The following PTPRM variants were observed in gnomAD, a reference collection of about 807,000 sequenced individuals.
PTPRM encodes receptor-type tyrosine-protein phosphatase mu.
In PTPRM, 47 loss-of-function variants were observed where a neutral mutation model predicts 186.7. That is an observed-to-expected ratio of 0.25 (90% confidence interval 0.20 to 0.32). The LOEUF (loss-of-function observed/expected upper bound fraction) is 0.32, where lower values mean the gene tolerates loss of function less well. Ranked by LOEUF, PTPRM falls within the 10% of genes least tolerant of loss-of-function variation. The pLI, the probability that PTPRM is intolerant of heterozygous loss-of-function variation, is 1.00. For synonymous variants in PTPRM, 668 were observed against 674.9 expected (o/e 0.99, Z 0.16); for missense variants, 1,494 against 1,865.0 (o/e 0.80, Z 3.66).
chr18:8,200,448 A>G (rs947407567), intron 14 of PTPRM, among the ~76,000 whole-genome samples: 5 of 152,184 alleles, frequency 3.3e-5, no homozygotes, highest in Non-Finnish European at 7.3e-5. Flanking sequence ...ATTTGACTTG[A>G]TTTCACCCTT....
Position 8,363,769 on chromosome 18 carries a change from T to C in PTPRM, c.3055-7121T>C, listed in dbSNP as rs1249048114. Among the ~76,000 whole-genome samples the C allele has an allele frequency of 2.0e-5, 3 of 152,086 alleles. No individual in the cohort carries two copies. The East Asian group carries it at 5.8e-4, about 29-fold the overall frequency. ...ATGCTGCTTTCTGATTAAGTTTTCATCAAGATGAGGTAAGAGAGAAAAGTA... is the reference window on the plus strand; with the variant it reads ...ATGCTGCTTTCTGATTAAGTTTTCACCAAGATGAGGTAAGAGAGAAAAGTA... On this transcript the variant is annotated intron_variant, in intron 23 of 32. Coordinates refer to ENST00000580170, the MANE Select transcript of PTPRM (RefSeq NM_001105244.2).
intron 7 of PTPRM, among the ~76,000 whole-genome samples, chr18:7,992,613 A>G (rs1599916631): frequency 6.6e-6 from 1 of 152,288 alleles, no homozygotes; most frequent in Non-Finnish European, 1.5e-5. Context: ...GTTAACACAC[A>G]GAAAACTGGT....
chr18:7,837,381 TG>T lies in PTPRM; in HGVS notation c.197-50724del, dbSNP rs1470799685. Among the ~76,000 whole-genome samples the T allele has an allele frequency of 2.0e-5, 3 of 152,200 alleles. No homozygotes were observed. In the South Asian group the frequency reaches 6.2e-4, roughly 32 times the overall value. Reference sequence around the variant, plus strand: ...TACTTTTTAATTATTTCAGTCTTTTTGTTAAATTTGTCTGATAGAATTCTGA... The same window carrying T: ...TACTTTTTAATTATTTCAGTCTTTTTTTAAATTTGTCTGATAGAATTCTGA... On this transcript the variant is annotated intron_variant, in intron 2 of 32. Coordinates refer to ENST00000580170, the MANE Select transcript of PTPRM (RefSeq NM_001105244.2).
At chr18:7,776,212 A>G (rs757189863) in intron 2 of PTPRM, among the ~76,000 whole-genome samples, 1 of 152,240 alleles carries the variant, frequency 6.6e-6, no homozygotes, top group Non-Finnish European at 1.5e-5. Flanking sequence ...TTTGTAGCAT[A>G]AGATCTGTGA....
chr18:7,871,246 A>AC (rs762121235), intron 2 of PTPRM, among the ~76,000 whole-genome samples: 8 of 152,168 alleles, frequency 5.3e-5, no homozygotes, highest in African/African-American at 1.2e-4. Context: ...TGAAGTTTGG[A>AC]CAGTGAATAA....
At chr18:8,242,123 C>T (rs912443919) in intron 14 of PTPRM, among the ~76,000 whole-genome samples, 4 of 152,044 alleles carry the variant, frequency 2.6e-5, no homozygotes, top group Non-Finnish European at 5.9e-5. Context: ...GGAATTCAAG[C>T]AAGAAAAGGC....
intron 14 of PTPRM, among the ~76,000 whole-genome samples, chr18:8,201,292 G>T (rs2093852250): frequency 1.3e-5 from 2 of 152,154 alleles, no homozygotes; most frequent in African/African-American, 2.4e-5. Context: ...CCCCAGCCTG[G>T]GCAACAGAGC....
chr18:8,190,516 G>A (rs2093696697), intron 14 of PTPRM, among the ~76,000 whole-genome samples: 1 of 152,132 alleles, frequency 6.6e-6, no homozygotes, highest in Non-Finnish European at 1.5e-5. Context: ...TTGAGTAGTT[G>A]TTCTAGTCTT....
intron 1 of PTPRM, among the ~76,000 whole-genome samples, chr18:7,635,818 C>T (rs1009916428): frequency 6.6e-6 from 1 of 152,152 alleles, no homozygotes; most frequent in African/African-American, 2.4e-5. Context: ...ATTTTCCTTG[C>T]GGAGGCAGTT....
intron 7 of PTPRM, among the ~76,000 whole-genome samples, chr18:8,021,490 A>C (rs2085232372): frequency 1.0e-5 from 1 of 97,494 alleles, no homozygotes; most frequent in Non-Finnish European, 2.2e-5. Context: ...CGCGTGCATT[A>C]GGTATTTGTC....
intron 2 of PTPRM, among the ~76,000 whole-genome samples, chr18:7,799,153 A>T (rs1439009702): frequency 6.6e-6 from 1 of 152,124 alleles, no homozygotes; most frequent in Non-Finnish European, 1.5e-5. Flanking sequence ...CAAGTTACTG[A>T]TGGATTTTGT....
chr18:8,237,333 C>T (rs2094356361), intron 14 of PTPRM, among the ~76,000 whole-genome samples: 1 of 150,244 alleles, frequency 6.7e-6, no homozygotes, highest in African/African-American at 2.5e-5. Context: ...CTTCCTTTCT[C>T]TTTGTAGCTC....
chr18:8,214,745 C>T (rs1194373028), intron 14 of PTPRM, among the ~76,000 whole-genome samples: 3 of 152,192 alleles, frequency 2.0e-5, no homozygotes, highest in Admixed American at 2.0e-4. Context: ...TCCACTGCAA[C>T]TTCAGCCTCC....
intron 31 of PTPRM, among the ~76,000 whole-genome samples, chr18:8,390,416 C>T (rs1420199954): frequency 1.3e-5 from 2 of 152,202 alleles, no homozygotes; most frequent in Non-Finnish European, 2.9e-5. Flanking sequence ...ATATTGACAA[C>T]GTGGACTTTC....
intron 23 of PTPRM, among the ~76,000 whole-genome samples, chr18:8,352,941 A>C (rs1415207840): frequency 6.6e-6 from 1 of 152,134 alleles, no homozygotes; most frequent in Non-Finnish European, 1.5e-5. Flanking sequence ...AAGTGCTGGG[A>C]TTACAGGTGT....
intron 1 of PTPRM, among the ~76,000 whole-genome samples, chr18:7,647,530 A>G (rs1057211642): frequency 3.3e-5 from 5 of 152,218 alleles, no homozygotes; most frequent in African/African-American, 1.2e-4. Flanking sequence ...TTCCTACAAG[A>G]TGGTGAAATT....
intron 1 of PTPRM, among the ~76,000 whole-genome samples, chr18:7,628,601 A>C (rs2038117429): frequency 6.6e-6 from 1 of 152,224 alleles, no homozygotes; most frequent in African/African-American, 2.4e-5. Context: ...AGGAAAACTA[A>C]GCTTGAATTC....
chr18:7,642,120 C>A (rs139328183), intron 1 of PTPRM, among the ~76,000 whole-genome samples: 2 of 152,108 alleles, frequency 1.3e-5, no homozygotes, highest in African/African-American at 4.8e-5. Flanking sequence ...TATTGACTCA[C>A]GGTTCTGTGA....
chr18:8,196,726 G>A lies in PTPRM; in HGVS notation c.2301-47332G>A, dbSNP rs777105718. ...CCCAGCACTGACGTTTCTAAATTGT[G>A]TGTGACGTTGACATGTTCCCATATG... is the stretch of plus-strand genomic sequence containing the variant. On this transcript the variant is annotated intron_variant, in intron 14 of 32. Transcript: ENST00000580170. Among the ~76,000 whole-genome samples the A allele has an allele frequency of 3.9e-5, 6 of 152,332 alleles. 1 individual carries two copies. The Middle Eastern group carries it at 0.01, about 259-fold the overall frequency.
Sources: allele counts gnomAD v4.1 joint callset (sites outside exome capture counted in the v4.1 genomes callset), GRCh38; gene constraint gnomAD v4.1.1; transcripts MANE v1.5; gene names NCBI Gene and HGNC (gene_info 2026-07-23, HGNC 2026-07-21).